GLB1L3: variants seen among roughly 807,000 people sequenced by gnomAD.
The protein encoded by GLB1L3 is galactosidase beta 1 like 3, also known as beta-galactosidase-1-like protein 3.
Under a neutral mutation model 89.5 loss-of-function variants are expected in GLB1L3, and 89 were observed. That is an observed-to-expected ratio of 0.99 (90% confidence interval 0.84 to 1.19). The LOEUF is 1.19. Ranked by LOEUF, GLB1L3 falls within the 50% of genes most tolerant of loss-of-function variation. GLB1L3 has a pLI of 0.00. For missense variants in GLB1L3, 812 were observed against 813.3 expected, an observed-to-expected ratio of 1.00 and a Z score of 0.02; for synonymous variants, 314 against 312.3, an observed-to-expected ratio of 1.01 and a Z score of -0.06.
chr11:134,290,575 C>T (rs1284919040), intron 7 of GLB1L3, among the ~76,000 whole-genome samples: 3 of 110,962 alleles, frequency 2.7e-5, no homozygotes, highest in South Asian at 5.0e-4. Context: ...TCGTCCCCCC[C>T]CGCCAAAAAA....
chr11:134,310,385 C>T, intron 11 of GLB1L3, 186 bp from the exon 12 acceptor site: 1 of 584,950 alleles, frequency 1.7e-6, no homozygotes, highest in Non-Finnish European at 3.0e-6. Context: ...CACTGGAAGC[C>T]AGTGGAAGGT....
At chr11:134,318,006 T>C (rs960368155) in intron 18 of GLB1L3, among the ~76,000 whole-genome samples, 15 of 152,200 alleles carry the variant, frequency 9.9e-5, no homozygotes, top group Non-Finnish European at 7.3e-5. Flanking sequence ...CATATCATTA[T>C]CCATTGTTTT....
At chr11:134,300,493 A>C (rs190029085) in intron 9 of GLB1L3, among the ~76,000 whole-genome samples, 2,514 of 151,730 alleles carry the variant, frequency 0.017, 58 homozygotes, top group African/African-American at 0.057. Context: ...CCACCACGCC[A>C]GGCTAATTTT....
chr11:134,320,204 G>A (rs1171444790), downstream of GLB1L3, among the ~76,000 whole-genome samples: 2 of 152,136 alleles, frequency 1.3e-5, no homozygotes, highest in Non-Finnish European at 2.9e-5. Context: ...AAGTAATTTA[G>A]TAAGTAATCT....
intron 12 of GLB1L3, 135 bp downstream of exon 12, chr11:134,310,786 ACTT>A: frequency 1.5e-6 from 1 of 677,582 alleles, no homozygotes; most frequent in South Asian, 1.9e-5. Flanking sequence ...GGCAACCTTA[ACTT>A]CGAACCCTGG....
chr11:134,320,728 A>G (rs139599656), downstream of GLB1L3, among the ~76,000 whole-genome samples: 45 of 137,148 alleles, frequency 3.3e-4, 1 homozygote, highest in African/African-American at 1.3e-3. Context: ...AAACTATTTT[A>G]CAAGAAAAAC....
rs949621234 is a variant in GLB1L3 at position 134,276,484 on chromosome 11, C to G, written c.-257C>G. 4 of 367,846 alleles carry G rather than the reference C, an allele frequency of 1.1e-5. No homozygotes were observed. The East Asian group carries it at 1.6e-4, about 15-fold the overall frequency. 22.8% of individuals were successfully genotyped at this position (367,846 alleles called of 1,614,324 possible). On this transcript the variant is annotated 5_prime_UTR_variant, in exon 1 of 20. Coordinates refer to ENST00000431683, the MANE Select transcript of GLB1L3 (RefSeq NM_001080407.3). ...TCCGAGGGCAGAGAGGCGTCCGCGC[C>G]CGGACGCACTGCGGGAACACCTGGA...
chr11:134,277,096 C>T, intron 1 of GLB1L3: 1 of 617,330 alleles, frequency 1.6e-6, no homozygotes, highest in Non-Finnish European at 2.9e-6. Flanking sequence ...CCAGCCCTGT[C>T]TGGAGGGTCT....
At chr11:134,310,475 C>T (rs1942671608) in intron 11 of GLB1L3, 96 bp from the exon 12 acceptor site, 2 of 847,294 alleles carry the variant, frequency 2.4e-6, no homozygotes, top group Non-Finnish European at 3.9e-6. Context: ...CCTTTTGTCT[C>T]ACTCACGGTG....
intron 3 of GLB1L3, among the ~76,000 whole-genome samples, 167 bp downstream of exon 3, chr11:134,278,079 T>C (rs1260616479): frequency 6.6e-6 from 1 of 152,138 alleles, no homozygotes; most frequent in Non-Finnish European, 1.5e-5. Flanking sequence ...CTTAGTCTCA[T>C]GCTGAGTTTG....
At chr11:134,276,816 GGGA>G in intron 1 of GLB1L3, 53 bp downstream of exon 1, 1 of 1,345,624 alleles carries the variant, frequency 7.4e-7, no homozygotes, top group Non-Finnish European at 9.6e-7. Context: ...GCGCGTGCCC[GGGA>G]GCCTCCACCC....
intron 7 of GLB1L3, among the ~76,000 whole-genome samples, chr11:134,289,435 G>A (rs1052674446): frequency 6.6e-6 from 1 of 152,108 alleles, no homozygotes; most frequent in African/African-American, 2.4e-5. Flanking sequence ...AAAAAAATCC[G>A]AGTATAAGTG....
chr11:134,309,603 T>C (rs1372123005), intron 10 of GLB1L3, 23 bp from the exon 11 acceptor site: 1 of 1,549,588 alleles, frequency 6.5e-7, no homozygotes, highest in Non-Finnish European at 8.8e-7. Flanking sequence ...ACATTCTCTG[T>C]GTTCTCATGT....
intron 10 of GLB1L3, among the ~76,000 whole-genome samples, chr11:134,308,556 T>TCACCACCACCAC (rs199930926): frequency 1.7e-5 from 1 of 57,522 alleles, no homozygotes; most frequent in Non-Finnish European, 3.1e-5. Context: ...ACCATCACCA[T>TCACCACCACCAC]CACCACCACC....
rs1007027846 is a variant in GLB1L3, at chr11:134,296,858, ATAATAAAAAC to A, written c.876+3650_876+3659del. Among the ~76,000 whole-genome samples, 110 of 132,764 alleles carry A rather than the reference ATAATAAAAAC, an allele frequency of 8.3e-4. 1 individual carries two copies. Among genetic ancestry groups the A allele is most frequent in the Non-Finnish European group, 1.2e-3 (74 of 60,536 alleles). 87.1% of individuals were successfully genotyped at this position (132,764 alleles called of 152,430 possible). ...AAGTATAATAATAATAATAATAATA[ATAATAAAAAC>A]AAACAAACAAAAAAAGAAAATAATG... On this transcript the variant is annotated intron_variant, in intron 9 of 19. Transcript: ENST00000431683.
At chr11:134,313,162 T>G (rs995193562) in intron 15 of GLB1L3, among the ~76,000 whole-genome samples, 4 of 152,046 alleles carry the variant, frequency 2.6e-5, no homozygotes, top group Non-Finnish European at 5.9e-5. Context: ...CCTTTTGGAG[T>G]TGGTTAAAGG....
chr11:134,295,741 A>G (rs1447923272), intron 9 of GLB1L3, among the ~76,000 whole-genome samples: 1 of 152,106 alleles, frequency 6.6e-6, no homozygotes, highest in Non-Finnish European at 1.5e-5. Context: ...TAATATAAGT[A>G]TTTATGCTGT....
chr11:134,314,106 A>G, intron 17 of GLB1L3, 78 bp downstream of exon 17: 1 of 1,005,680 alleles, frequency 9.9e-7, no homozygotes, highest in Non-Finnish European at 1.5e-6. Flanking sequence ...TTGCAGATAA[A>G]GAGTCCAAGA....
intron 9 of GLB1L3, among the ~76,000 whole-genome samples, chr11:134,301,327 T>C (rs1941939805): frequency 1.3e-5 from 2 of 152,232 alleles, no homozygotes; most frequent in African/African-American, 4.8e-5. Context: ...CTCTGAGCTG[T>C]ACTCAGAAGT....
Sources: gnomAD v4.1 joint callset for allele counts (sites outside exome capture counted in the v4.1 genomes callset) on GRCh38, gnomAD v4.1.1 for gene constraint, MANE v1.5 for transcripts, NCBI Gene and HGNC (gene_info 2026-07-23, HGNC 2026-07-21) for gene names.